The following SRPRB variants were observed in gnomAD, a reference collection of about 807,000 sequenced individuals.
The protein encoded by SRPRB is SRP receptor subunit beta.
In SRPRB, 20 loss-of-function variants were observed where a neutral mutation model predicts 31.9. The ratio of observed to expected loss-of-function variants is 0.63; its 90% CI spans 0.44 to 0.91. The LOEUF is 0.91. SRPRB is among the 40% of genes least tolerant of loss of function. SRPRB has a pLI of 0.00. For missense variants in SRPRB, 321 were observed against 324.9 expected (o/e 0.99, Z 0.09); for synonymous variants, 146 against 132.8 (o/e 1.10, Z -0.68).
upstream of SRPRB, among the ~76,000 whole-genome samples, chr3:133,803,552 T>G (rs965579275): frequency 6.6e-6 from 1 of 152,172 alleles, no homozygotes; most frequent in South Asian, 2.1e-4. Context: ...ATATTGCAAA[T>G]CTTCCTAATA....
At chr3:133,801,826 GA>G (rs1456975255), upstream of SRPRB, among the ~76,000 whole-genome samples, 1 of 152,190 alleles carries the variant, frequency 6.6e-6, no homozygotes, top group African/African-American at 2.4e-5. Context: ...TGATATTTTT[GA>G]AATTGGTAAT....
At chr3:133,813,750 T>C (rs1005959832) in intron 4 of SRPRB, among the ~76,000 whole-genome samples, 1 of 152,254 alleles carries the variant, frequency 6.6e-6, no homozygotes, top group African/African-American at 2.4e-5. Context: ...CTCCAGAACC[T>C]TTCTTCAAGA....
chr3:133,791,854 A>G (rs1380323284), intron 1 of SRPRB: 1 of 152,234 alleles, frequency 6.6e-6, no homozygotes, highest in African/African-American at 2.4e-5. Flanking sequence ...TGTGTACTAT[A>G]AAAGAGCATT....
upstream of SRPRB, among the ~76,000 whole-genome samples, chr3:133,802,263 A>G (rs1345158359): frequency 2.0e-5 from 3 of 151,070 alleles, no homozygotes; most frequent in East Asian, 5.9e-4. Context: ...TAAAAAAACT[A>G]CCTGGGCATG....
chr3:133,811,387 GA>G (rs1040720773), intron 4 of SRPRB, among the ~76,000 whole-genome samples, 188 bp downstream of exon 4: 9 of 152,088 alleles, frequency 5.9e-5, no homozygotes, highest in African/African-American at 1.9e-4. Flanking sequence ...GATTTTATGG[GA>G]TTAAAATGCT....
intron 3 of SRPRB, 79 bp downstream of exon 3, chr3:133,807,902 G>A: frequency 9.8e-7 from 1 of 1,015,570 alleles, no homozygotes; most frequent in Non-Finnish European, 1.5e-6. Flanking sequence ...TTTAGGATGA[G>A]TTCATCTGAG....
downstream of SRPRB, chr3:133,825,267 C>T (rs1576388731): frequency 6.6e-6 from 1 of 152,188 alleles, no homozygotes; most frequent in African/African-American, 2.4e-5. Context: ...CCTTTATTGT[C>T]ACAACTGGTA....
downstream of SRPRB, chr3:133,828,224 G>A (rs1342036833): frequency 1.8e-6 from 1 of 546,808 alleles, no homozygotes; most frequent in Non-Finnish European, 3.3e-6. Context: ...CCTTTTCAGA[G>A]GCTGATGTGT....
chr3:133,807,527 T>C (rs945570913), intron 2 of SRPRB, among the ~76,000 whole-genome samples: 2 of 152,184 alleles, frequency 1.3e-5, no homozygotes, highest in Non-Finnish European at 2.9e-5. Flanking sequence ...GGCCACTAAC[T>C]GTCTTTTGAG....
At chr3:133,799,337 A>G (rs1363403473) in intron 1 of SRPRB, among the ~76,000 whole-genome samples, 1 of 152,216 alleles carries the variant, frequency 6.6e-6, no homozygotes, top group Non-Finnish European at 1.5e-5. Context: ...ACACTGGGAT[A>G]CTCTGCAGCA....
chr3:133,828,063 C>T (rs189273720), downstream of SRPRB: 53 of 688,934 alleles, frequency 7.7e-5, no homozygotes, highest in African/African-American at 8.1e-4. Context: ...CCCTCAACCC[C>T]CTTCAAGGCT....
chr3:133,784,372 G>C (rs930350917), intron 1 of SRPRB: 1 of 150,958 alleles, frequency 6.6e-6, no homozygotes, highest in African/African-American at 2.4e-5. Context: ...CCTTTTAAAA[G>C]AAAACATTTG....
In SRPRB at chr3:133,806,649, A is replaced by G; in HGVS notation, c.195A>G (p.Arg65=). ...TCCGGAGCAGAAGGAGCAGTCAGAGAGCTGTTCTTCTTGTTGGCCTTTGTG... is the reference window on the plus strand; with the variant it reads ...TCCGGAGCAGAAGGAGCAGTCAGAGGGCTGTTCTTCTTGTTGGCCTTTGTG... ...KLIRSRRSSQ[R]AVLLVGLCDS... Residue 65 remains arginine, a synonymous_variant, in exon 2 of 7, where the codon AGA becomes AGG. Transcript: ENST00000678299. 1 of 1,614,110 alleles carries G rather than the reference A, an allele frequency of 6.2e-7. No individual in the cohort carries two copies. Among genetic ancestry groups the G allele is most frequent in the Non-Finnish European group, 8.5e-7 (1 of 1,180,002 alleles).
upstream of SRPRB, among the ~76,000 whole-genome samples, chr3:133,801,349 G>T (rs1935058713): frequency 6.6e-6 from 1 of 152,248 alleles, no homozygotes; most frequent in African/African-American, 2.4e-5. Flanking sequence ...TGCCCACGGA[G>T]CTCCTGATGG....
downstream of SRPRB, chr3:133,824,146 A>T (rs1935517814): frequency 6.6e-6 from 1 of 152,272 alleles, no homozygotes; most frequent in Admixed American, 6.5e-5. Context: ...CCCAGGCATG[A>T]CAAAAGGGAC....
downstream of SRPRB, chr3:133,828,345 G>A: frequency 2.8e-6 from 1 of 352,062 alleles, no homozygotes; most frequent in Non-Finnish European, 5.2e-6. Flanking sequence ...ATTGGGCTGG[G>A]GATAGGAGGA....
rs752884683 is a variant in SRPRB, at chr3:133,816,952, G to T, written c.602+20G>T. ...AGAACTGTAAGTGTGAAAGAGGCCT[G>T]TTGGTTAATTATATATCTTAACACT... On this transcript the variant is annotated intron_variant, in intron 6 of 6. Coordinates refer to ENST00000678299, the MANE Select transcript of SRPRB (RefSeq NM_001379313.1). 5 of 1,602,876 alleles carry T rather than the reference G, an allele frequency of 3.1e-6. No individual in the cohort carries two copies. In the African/African-American group the frequency reaches 6.7e-5, roughly 21 times the overall value.
chr3:133,828,423 G>A, downstream of SRPRB: 1 of 372,080 alleles, frequency 2.7e-6, no homozygotes, highest in South Asian at 3.0e-5. Context: ...TTCTCTATAA[G>A]TTTACAAATA....
At chr3:133,794,136 A>G (rs957515034) in intron 1 of SRPRB, 4 of 152,204 alleles carry the variant, frequency 2.6e-5, no homozygotes, top group Admixed American at 2.6e-4. Context: ...AATGTTAATT[A>G]AGCATGAACT....
Sources: allele counts gnomAD v4.1 joint callset (sites outside exome capture counted in the v4.1 genomes callset), GRCh38; gene constraint gnomAD v4.1.1; transcripts MANE v1.5; gene names NCBI Gene and HGNC (gene_info 2026-07-23, HGNC 2026-07-21).